ADGRB3: variants seen among roughly 807,000 people sequenced by gnomAD.
ADGRB3 encodes adhesion G protein-coupled receptor B3, also known as brain-specific angiogenesis inhibitor 3.
Under a neutral mutation model 193.4 loss-of-function variants are expected in ADGRB3, and 37 were observed. The observed-to-expected ratio is 0.19, with a 90% confidence interval of 0.15 to 0.25. The LOEUF (loss-of-function observed/expected upper bound fraction) is 0.25. Among genes scored for constraint, ADGRB3 ranks in the 10% least tolerant of loss-of-function variants. The pLI is 1.00. For synonymous variants in ADGRB3, 690 were observed against 644.2 expected, an observed-to-expected ratio of 1.07 and a Z score of -1.08; for missense variants, 1,637 against 1,852.9, an observed-to-expected ratio of 0.88 and a Z score of 2.14.
chr6:69,036,109 C>A (rs1770864001), intron 13 of ADGRB3, among the ~76,000 whole-genome samples: 1 of 152,122 alleles, frequency 6.6e-6, no homozygotes, highest in African/African-American at 2.4e-5. Flanking sequence ...TGAAGTATGT[C>A]TTTCACTACA....
intron 3 of ADGRB3, among the ~76,000 whole-genome samples, chr6:68,765,347 A>C (rs924273399): frequency 6.6e-6 from 1 of 152,126 alleles, no homozygotes; most frequent in African/African-American, 2.4e-5. Context: ...TAAGGAAGTT[A>C]CTTTCTACCC....
At chr6:68,877,973 A>G (rs1354599893) in intron 3 of ADGRB3, among the ~76,000 whole-genome samples, 1 of 152,164 alleles carries the variant, frequency 6.6e-6, no homozygotes, top group African/African-American at 2.4e-5. Flanking sequence ...TAAGATATAT[A>G]ATCAAGGCTA....
At chr6:69,172,541 G>A (rs2150348379) in intron 17 of ADGRB3, among the ~76,000 whole-genome samples, 1 of 150,682 alleles carries the variant, frequency 6.6e-6, no homozygotes, top group East Asian at 2.0e-4. Flanking sequence ...CTGCTCGGGA[G>A]GCTGAGGCAG....
intron 3 of ADGRB3, among the ~76,000 whole-genome samples, chr6:68,914,767 G>A (rs1766828915): frequency 1.3e-5 from 2 of 152,142 alleles, no homozygotes; most frequent in East Asian, 3.9e-4. Context: ...ATGTTAGAGA[G>A]GAAGCAGTAT....
At chr6:69,320,263 T>G (rs945408295) in intron 20 of ADGRB3, among the ~76,000 whole-genome samples, 3 of 151,472 alleles carry the variant, frequency 2.0e-5, no homozygotes, top group Non-Finnish European at 4.4e-5. Flanking sequence ...TTTTATATCT[T>G]CATGGCTATA....
chr6:69,095,020 T>C (rs141263811), intron 17 of ADGRB3, among the ~76,000 whole-genome samples: 1 of 152,344 alleles, frequency 6.6e-6, no homozygotes, highest in East Asian at 1.9e-4. Flanking sequence ...CTTTGTGCTT[T>C]AGGACTTTTT....
intron 17 of ADGRB3, among the ~76,000 whole-genome samples, chr6:69,157,479 T>C (rs1395242165): frequency 6.6e-6 from 1 of 152,156 alleles, no homozygotes; most frequent in Non-Finnish European, 1.5e-5. Context: ...CCATTTTTCT[T>C]CCTTTTCTTT....
At chr6:69,242,906 T>G (rs1343802613) in intron 20 of ADGRB3, among the ~76,000 whole-genome samples, 1 of 151,956 alleles carries the variant, frequency 6.6e-6, no homozygotes, top group Non-Finnish European at 1.5e-5. Context: ...ATTTGTGTTT[T>G]TGTTGTTGTT....
chr6:68,898,500 C>T (rs72903001), intron 3 of ADGRB3, among the ~76,000 whole-genome samples: 19,775 of 152,012 alleles, frequency 0.13, 1,507 homozygotes, highest in East Asian at 0.28. Flanking sequence ...GTAAAATTTA[C>T]GATCACAACA....
chr6:69,273,270 T>C (rs1767221781), intron 20 of ADGRB3, among the ~76,000 whole-genome samples: 2 of 152,340 alleles, frequency 1.3e-5, no homozygotes, highest in South Asian at 4.1e-4. Flanking sequence ...AGGGTTCTGC[T>C]AGCGGAAGTT....
Position 68,793,735 on chromosome 6 carries a change from G to T in ADGRB3, c.758-136824G>T, listed in dbSNP as rs531174230. On this transcript the variant is annotated intron_variant, in intron 3 of 31. Coordinates refer to ENST00000370598, the MANE Select transcript of ADGRB3 (RefSeq NM_001704.3). ...ATAGAGACAGGGTTTACCCCTGTTG[G>T]CCAGATTGGTCTCAAACTCCTGACC... Among the ~76,000 whole-genome samples, 179 of 152,100 alleles carry T rather than the reference G, an allele frequency of 1.2e-3. 1 individual carries two copies. Among genetic ancestry groups the T allele is most frequent in the Non-Finnish European group, 2.0e-3 (135 of 67,994 alleles).
intron 20 of ADGRB3, among the ~76,000 whole-genome samples, chr6:69,245,564 C>A (rs1388104154): frequency 6.6e-6 from 1 of 152,118 alleles, no homozygotes; most frequent in Non-Finnish European, 1.5e-5. Flanking sequence ...GTTATACCAG[C>A]AAGACCAAAC....
intron 3 of ADGRB3, among the ~76,000 whole-genome samples, chr6:68,868,976 T>C (rs1215622219): frequency 1.3e-5 from 2 of 150,276 alleles, no homozygotes; most frequent in Admixed American, 6.6e-5. Flanking sequence ...TAGCATCCTA[T>C]CCAGCTTTAA....
chr6:68,857,567 G>T (rs894983530), intron 3 of ADGRB3, among the ~76,000 whole-genome samples: 1 of 152,160 alleles, frequency 6.6e-6, no homozygotes, highest in Non-Finnish European at 1.5e-5. Context: ...TGGAATGGCT[G>T]CATTTAGGCA....
At chr6:68,774,506 A>C (rs1766701143) in intron 3 of ADGRB3, among the ~76,000 whole-genome samples, 1 of 151,950 alleles carries the variant, frequency 6.6e-6, no homozygotes, top group Non-Finnish European at 1.5e-5. Flanking sequence ...AACTAGGTTA[A>C]ATTCCCCTCA....
chr6:69,254,149 C>T (rs973286541), intron 20 of ADGRB3, among the ~76,000 whole-genome samples: 3 of 152,098 alleles, frequency 2.0e-5, no homozygotes, highest in African/African-American at 4.8e-5. Context: ...TTTTAAAAGC[C>T]TTTAGTGAAT....
intron 17 of ADGRB3, among the ~76,000 whole-genome samples, chr6:69,181,767 C>G (rs1775590993): frequency 1.3e-5 from 2 of 152,138 alleles, no homozygotes; most frequent in African/African-American, 2.4e-5. Flanking sequence ...AATATATTCT[C>G]CTTTCTTTGA....
rs56686568 is a variant in ADGRB3, at chr6:69,279,452, C to CTGTGTGTGTG, written c.2814+40240_2814+40249dup. Among the ~76,000 whole-genome samples, 35 of 148,028 alleles carry CTGTGTGTGTG rather than the reference C, an allele frequency of 2.4e-4. 1 individual carries two copies. The South Asian group carries it at 3.0e-3, about 13-fold the overall frequency. ...GGCGAAAATTTGTTAGTCAAGAATG[C>CTGTGTGTGTG]TGTGTGTGTGTGTGTGTGTGTGTAT... On this transcript the variant is annotated intron_variant, in intron 20 of 31. Coordinates refer to ENST00000370598, the MANE Select transcript of ADGRB3 (RefSeq NM_001704.3).
chr6:68,978,319 G>A (rs1271298905), intron 10 of ADGRB3, among the ~76,000 whole-genome samples: 1 of 134,530 alleles, frequency 7.4e-6, no homozygotes, highest in African/African-American at 2.9e-5. Flanking sequence ...TAGGTAGGTA[G>A]GTAGATAGAT....
Sources: allele counts gnomAD v4.1 joint callset (sites outside exome capture counted in the v4.1 genomes callset), GRCh38; gene constraint gnomAD v4.1.1; transcripts MANE v1.5; gene names NCBI Gene and HGNC (gene_info 2026-07-23, HGNC 2026-07-21).